TRRAP: variants seen among roughly 807,000 people sequenced by gnomAD.
TRRAP encodes the protein transformation/transcription domain associated protein, also known as transformation/transcription domain-associated protein.
TRRAP carries 41 observed loss-of-function variants against 438.8 expected under a neutral mutation model. The ratio of observed to expected loss-of-function variants is 0.09; its 90% confidence interval spans 0.07 to 0.12. The LOEUF (loss-of-function observed/expected upper bound fraction) is 0.12, where lower values mean the gene tolerates loss of function less well. Ranked by LOEUF, TRRAP falls within the 10% of genes least tolerant of loss-of-function variation. The probability of loss-of-function intolerance (pLI) is 1.00; values close to 1 mark genes in which losing one functional copy is unlikely to be tolerated. For missense variants in TRRAP, 3,122 were observed against 5,055.1 expected, an observed-to-expected ratio of 0.62 and a Z score of 11.60; for synonymous variants, 1,994 against 1,962.9, an observed-to-expected ratio of 1.02 and a Z score of -0.42.
chr7:98,962,126 T>C (rs1414761226), intron 46 of TRRAP, among the ~76,000 whole-genome samples, 176 bp from the exon 47 acceptor site: 2 of 152,198 alleles, frequency 1.3e-5, no homozygotes, highest in Non-Finnish European at 2.9e-5. Context: ...GTATTCTGCA[T>C]ATAGCTGTGT....
chr7:98,984,058 G>A (rs199850040), intron 60 of TRRAP, 35 bp from the exon 61 acceptor site: 23 of 1,532,138 alleles, frequency 1.5e-5, no homozygotes, highest in Middle Eastern at 1.8e-4. Context: ...AAAGAGGATC[G>A]GTGTGGGCTA....
At chr7:98,969,971 C>G in intron 51 of TRRAP, 141 bp from the exon 52 acceptor site, 1 of 946,400 alleles carries the variant, frequency 1.1e-6, no homozygotes, top group South Asian at 1.6e-5. Context: ...TGGTTGGGGA[C>G]AGGTGGGAAA....
At chr7:98,940,136 G>C (rs1329636163) in intron 30 of TRRAP, among the ~76,000 whole-genome samples, 2 of 152,012 alleles carry the variant, frequency 1.3e-5, no homozygotes, top group Non-Finnish European at 2.9e-5. Flanking sequence ...CACCTGCCTT[G>C]ACTTCCTGAA....
intron 1 of TRRAP, among the ~76,000 whole-genome samples, chr7:98,879,006 G>GC (rs1392303027): frequency 1.3e-4 from 20 of 152,124 alleles, no homozygotes; most frequent in Middle Eastern, 6.9e-3. Context: ...CTCCGGAGGC[G>GC]CCCCCCGGCC....
intron 69 of TRRAP, among the ~76,000 whole-genome samples, chr7:99,008,123 C>T (rs942096703): frequency 5.9e-5 from 9 of 152,198 alleles, no homozygotes; most frequent in Non-Finnish European, 1.5e-5. Context: ...TGTGTCCGGC[C>T]AAGATGTCTT....
In TRRAP at chr7:98,961,111, G is replaced by A. The variant is rs1257063868; in HGVS notation, c.6490-150G>A. 3 of 670,610 alleles carry A rather than the reference G, an allele frequency of 4.5e-6. No individual in the cohort carries two copies. The African/African-American group carries it at 5.4e-5, about 12-fold the overall frequency. The allele number at this position is 670,610 out of a possible 1,614,324, so 41.5% of individuals were successfully genotyped here. A position where few individuals can be genotyped will look rare whatever the true frequency, so the allele number is the denominator to read the frequency against. ...GTGATTTTATAAAGTAATCATTCTT[G>A]TGAAATACGATTGTCATTCTCTAGT... On this transcript the variant is annotated intron_variant, in intron 45 of 72. Transcript: ENST00000456197.
In TRRAP at chr7:98,977,082, C is replaced by T. The variant is rs1206356706; in HGVS notation, c.8385+6C>T. On this transcript the variant is annotated splice_donor_region_variant and intron_variant, in intron 56 of 72. Transcript: ENST00000456197. Reference sequence around the variant, plus strand: ...AGCACGGGTTCTTTGAGCAGGTAAACCTCAGACCACTGACGGTCTTGGGTG... The same window carrying T: ...AGCACGGGTTCTTTGAGCAGGTAAATCTCAGACCACTGACGGTCTTGGGTG... 3 of 1,614,190 alleles carry T rather than the reference C, an allele frequency of 1.9e-6. No homozygotes were observed. Among genetic ancestry groups the T allele is most frequent in the Admixed American group, 3.3e-5 (2 of 60,024 alleles).
chr7:98,881,399 C>T, intron 2 of TRRAP, 149 bp downstream of exon 2: 1 of 632,578 alleles, frequency 1.6e-6, no homozygotes, highest in Non-Finnish European at 2.5e-6. Context: ...ATGGTGAAAC[C>T]ACGTCTCTAC....
At position 98,956,362 on chromosome 7, in the gene TRRAP, A is replaced by G. The variant is rs1554419790; in HGVS notation, c.6097-37A>G. 6.2e-7 allele frequency: 1 copy of G among 1,613,176 alleles called. No individual in the cohort carries two copies. Among genetic ancestry groups the G allele is most frequent in the Admixed American group, 1.7e-5 (1 of 59,892 alleles). ...GTCTTCCTTTGACTTCTCCCTAGAA[A>G]TCAGTCAGTAAAACCAAGCGCCTGT... On this transcript the variant is annotated intron_variant, in intron 42 of 72. Coordinates refer to ENST00000456197, the MANE Select transcript of TRRAP (RefSeq NM_001375524.1). The surrounding 1 kb of genome is among the most constrained non-coding windows in gnomAD (Gnocchi z 4.5).
intron 17 of TRRAP, 30 bp downstream of exon 17, chr7:98,911,301 A>G (rs1554408678): frequency 6.4e-7 from 1 of 1,554,356 alleles, no homozygotes; most frequent in East Asian, 2.3e-5. Flanking sequence ...ATGTTGTTTG[A>G]ACATTACAAT....
intron 31 of TRRAP, 125 bp downstream of exon 31, chr7:98,943,142 A>G (rs1358351707): frequency 2.2e-6 from 2 of 912,492 alleles, no homozygotes; most frequent in African/African-American, 1.7e-5. Context: ...TAGTCCTTGT[A>G]AATTGTTAAA....
At position 98,990,465 on chromosome 7, in the gene TRRAP, T is replaced by A; in HGVS notation, c.9602T>A (p.Leu3201His). 3 of 1,612,866 alleles carry A rather than the reference T, an allele frequency of 1.9e-6. No individual in the cohort carries two copies. The highest frequency in any genetic ancestry group is 2.5e-6 in the Non-Finnish European group (3 of 1,178,822). ...CTCCTTCTGTCTCAGGTGCTGTGGC[T>A]TTTGAGTTTTGATGATGACAAAAAC... is the stretch of plus-strand genomic sequence containing the variant. Reference protein sequence around the residue: ...SRKYLAKVLWLLSFDDDKNTL... With the variant: ...SRKYLAKVLWHLSFDDDKNTL... The change falls in exon 64 of 73, where the codon CTT (leucine) becomes CAT (histidine). Residue 3201 changes from leucine to histidine, a missense_variant. Around this residue, in one of 24 missense-constraint regions of TRRAP, gnomAD observed 52 missense variants for 88.3 expected, o/e 0.59. Transcript: ENST00000456197.
At chr7:98,967,446 G>A in intron 50 of TRRAP, 39 bp from the exon 51 acceptor site, 1 of 1,602,356 alleles carries the variant, frequency 6.2e-7, no homozygotes, top group South Asian at 1.1e-5. Flanking sequence ...ATGACTTGGG[G>A]AGTCCATCGT....
chr7:98,929,876 G>GA, intron 23 of TRRAP, 113 bp from the exon 24 acceptor site: 1 of 1,146,980 alleles, frequency 8.7e-7, no homozygotes, highest in Non-Finnish European at 1.3e-6. Context: ...TTACGGGTGT[G>GA]AGCCGCCGTG....
chr7:99,012,036 T>A lies in TRRAP; in HGVS notation c.11338-35T>A, dbSNP rs775099207. 1.2e-6 allele frequency: 2 copies of A among 1,602,446 alleles called. No individual in the cohort carries two copies. The highest frequency in any genetic ancestry group is 1.7e-6 in the Non-Finnish European group (2 of 1,172,188). ...GCTGCCCCTGTGGGCTGTTCTTGGTTAAACACAAGTCGTCTCGTTCTCTCC... is the reference window on the plus strand; with the variant it reads ...GCTGCCCCTGTGGGCTGTTCTTGGTAAAACACAAGTCGTCTCGTTCTCTCC... On this transcript the variant is annotated intron_variant, in intron 72 of 72. Coordinates refer to ENST00000456197, the MANE Select transcript of TRRAP (RefSeq NM_001375524.1). This position sits in a 1 kb window ranked among gnomAD's most constrained non-coding sequence, Gnocchi z 5.9.
chr7:98,965,537 A>G (rs1468044075), intron 48 of TRRAP, among the ~76,000 whole-genome samples, 159 bp from the exon 49 acceptor site: 5 of 152,224 alleles, frequency 3.3e-5, no homozygotes, highest in Non-Finnish European at 7.3e-5. Context: ...AGATGCACGT[A>G]AGAACATATG....
Position 98,931,576 on chromosome 7 carries a change from A to T in TRRAP, c.3763A>T (p.Thr1255Ser). The T allele has an allele frequency of 6.2e-7, 1 of 1,614,164 alleles. No individual in the cohort carries two copies. Among genetic ancestry groups the T allele is most frequent in the Non-Finnish European group, 8.5e-7 (1 of 1,180,028 alleles). The change falls in exon 26 of 73, where the codon ACT becomes TCT. Residue 1255 changes from threonine to serine, a missense_variant. Transcript: ENST00000456197. ...TCGAGAAGTCACCTCTCCAAACTCC[A>T]CTGTGAGGAAGCAGGCCATGCATTC... ...LVREVTSPNSTVRKQAMHSLQ... is the reference protein window; with the variant it reads ...LVREVTSPNSSVRKQAMHSLQ...
rs138049019 is a variant in TRRAP, at chr7:98,933,465, T to C, written c.4014+63T>C. 3.0e-5 allele frequency: 46 copies of C among 1,549,154 alleles called. No homozygotes were observed. The African/African-American group carries it at 5.7e-4, about 19-fold the overall frequency. Reference sequence around the variant, plus strand: ...TGACGTGTGTCTGCTAGCCTGTCTTTGTACGCGAAGACTGGTCAGGCAGCA... The same window carrying C: ...TGACGTGTGTCTGCTAGCCTGTCTTCGTACGCGAAGACTGGTCAGGCAGCA... On this transcript the variant is annotated intron_variant, in intron 27 of 72. Coordinates refer to ENST00000456197, the MANE Select transcript of TRRAP (RefSeq NM_001375524.1).
At chr7:98,992,271 AT>A in intron 65 of TRRAP, 44 bp downstream of exon 65, 1 of 1,599,360 alleles carries the variant, frequency 6.3e-7, no homozygotes, top group Non-Finnish European at 8.6e-7. Flanking sequence ...GGAAGGGCTC[AT>A]TCCAGGGGGT....
Sources: allele counts gnomAD v4.1 joint callset (sites outside exome capture counted in the v4.1 genomes callset), GRCh38; gene constraint gnomAD v4.1.1; regional missense constraint gnomAD v4.1.1; non-coding constraint Gnocchi (gnomAD v3.1); transcripts MANE v1.5; gene names NCBI Gene and HGNC (gene_info 2026-07-23, HGNC 2026-07-21).